Variants in DLG2 observed in about 807,000 individuals in gnomAD.
DLG2 encodes discs large MAGUK scaffold protein 2.
DLG2 carries 45 observed loss-of-function variants against 132.5 expected under a neutral mutation model. The ratio of observed to expected loss-of-function variants is 0.34; its 90% CI spans 0.27 to 0.44. The LOEUF (loss-of-function observed/expected upper bound fraction) is 0.44. Ranked by LOEUF, DLG2 falls within the 20% of genes least tolerant of loss-of-function variation. The pLI is 1.00. For synonymous variants in DLG2, 424 were observed against 419.6 expected (o/e 1.01, Z -0.13); for missense variants, 1,045 against 1,196.9 (o/e 0.87, Z 1.87).
intron 6 of DLG2, among the ~76,000 whole-genome samples, chr11:84,847,265 TGGG>T (rs2081591796): frequency 6.6e-6 from 1 of 151,894 alleles, no homozygotes; most frequent in South Asian, 2.1e-4. Context: ...GGAAGAAAAG[TGGG>T]GGAGCACTGC....
intron 19 of DLG2, among the ~76,000 whole-genome samples, chr11:83,550,549 C>G (rs780439134): frequency 9.2e-5 from 14 of 152,142 alleles, no homozygotes; most frequent in Non-Finnish European, 1.9e-4. Context: ...AAATCTGAAC[C>G]TGCGCAGAGC....
intron 7 of DLG2, among the ~76,000 whole-genome samples, chr11:84,315,958 T>C (rs996158496): frequency 1.3e-5 from 2 of 152,176 alleles, no homozygotes; most frequent in Admixed American, 6.5e-5. Context: ...TTTTCTTCAA[T>C]ACATATTAAA....
intron 7 of DLG2, among the ~76,000 whole-genome samples, chr11:84,340,049 A>C (rs1405959225): frequency 6.6e-6 from 1 of 152,220 alleles, no homozygotes; most frequent in Non-Finnish European, 1.5e-5. Context: ...TCACCCAGTA[A>C]GTAAACACAG....
chr11:84,997,280 C>G (rs976901215), intron 6 of DLG2: 5 of 152,360 alleles, frequency 3.3e-5, no homozygotes, highest in Admixed American at 1.3e-4. Flanking sequence ...CAAAGCCACT[C>G]TTGCAGACAT....
Position 83,753,786 on chromosome 11 carries a change from C to A in DLG2, c.1825+32904G>T, listed in dbSNP as rs1015095977. Reference sequence around the variant, plus strand: ...TATATATGATATGGCATATATATGTCATATATATGATATATCATATATATC... The same window carrying A: ...TATATATGATATGGCATATATATGTAATATATATGATATATCATATATATC... On this transcript the variant is annotated intron_variant, in intron 18 of 27. Transcript: ENST00000376104. Among the ~76,000 whole-genome samples the A allele has an allele frequency of 1.5e-4, 17 of 111,066 alleles. 1 individual carries two copies. Among genetic ancestry groups the A allele is most frequent in the African/African-American group, 7.7e-4 (17 of 22,182 alleles). 72.9% of individuals were successfully genotyped at this position (111,066 alleles called of 152,430 possible).
chr11:83,918,824 G>A lies in DLG2; in HGVS notation c.1496+11504C>T, dbSNP rs2077359810. 1.5e-5 allele frequency among the ~76,000 whole-genome samples: 2 copies of A among 132,754 alleles called. 1 individual carries two copies. The highest frequency in any genetic ancestry group is 4.6e-4 in the East Asian group (2 of 4,384). The allele number at this position is 132,754 out of a possible 152,430, so 87.1% of individuals were successfully genotyped here. ...CCCCTCTGTGAAGTCACAGCCCAAG[G>A]TGGAAAAATCTTGGTCAAAAAAAAA... On this transcript the variant is annotated intron_variant, in intron 15 of 27. Transcript: ENST00000376104.
chr11:83,584,775 G>A (rs7105403), intron 19 of DLG2, among the ~76,000 whole-genome samples: 143 of 152,312 alleles, frequency 9.4e-4, no homozygotes, highest in African/African-American at 3.4e-3. Context: ...AGGGGACAAG[G>A]TGAGAATGGA....
intron 3 of DLG2, among the ~76,000 whole-genome samples, chr11:85,384,062 A>G (rs2086123564): frequency 2.0e-5 from 3 of 152,132 alleles, no homozygotes; most frequent in Admixed American, 1.3e-4. Flanking sequence ...TATCTTTCCT[A>G]GGATACTTTT....
intron 7 of DLG2, among the ~76,000 whole-genome samples, chr11:84,385,563 G>A (rs866985722): frequency 1.3e-5 from 2 of 152,056 alleles, no homozygotes; most frequent in Non-Finnish European, 2.9e-5. Flanking sequence ...TATGCATAAG[G>A]TGGTGCCTCC....
Position 84,838,298 on chromosome 11 carries a change from T to G in DLG2, c.357+273363A>C, listed in dbSNP as rs186299738. 3.7e-3 allele frequency among the ~76,000 whole-genome samples: 564 copies of G among 151,956 alleles called. 3 individuals carry two copies. Among genetic ancestry groups the G allele is most frequent in the South Asian group, 0.013 (65 of 4,820 alleles). ...AGGAGTTCCAAGAGGAGGTCTTATG[T>G]CTGCCTCAGAAAATGTTTCTTCACC... On this transcript the variant is annotated intron_variant, in intron 6 of 27. Transcript: ENST00000376104.
intron 6 of DLG2, among the ~76,000 whole-genome samples, chr11:84,862,814 T>C (rs1600139800): frequency 2.6e-4 from 1 of 3,890 alleles, no homozygotes; most frequent in Non-Finnish European, 5.7e-4. Context: ...CACCAGGTCC[T>C]GTCGGGGGGG....
chr11:83,902,783 T>C (rs550966890), intron 15 of DLG2, among the ~76,000 whole-genome samples: 1 of 152,252 alleles, frequency 6.6e-6, no homozygotes, highest in East Asian at 1.9e-4. Flanking sequence ...TTCAGTTTCC[T>C]GCCCCTGAGG....
intron 7 of DLG2, among the ~76,000 whole-genome samples, chr11:84,427,508 A>G (rs538607087): frequency 2.5e-4 from 38 of 152,294 alleles, no homozygotes; most frequent in African/African-American, 8.2e-4. Context: ...CAAAATGGGT[A>G]AAGGACAGAA....
intron 7 of DLG2, chr11:84,437,518 C>A (rs559809004): frequency 3.9e-5 from 6 of 152,006 alleles, no homozygotes; most frequent in Non-Finnish European, 8.8e-5. Context: ...ATCAACTTCC[C>A]ACCTCGGCTC....
chr11:85,467,536 T>A (rs1160646315), intron 3 of DLG2, among the ~76,000 whole-genome samples: 1 of 152,230 alleles, frequency 6.6e-6, no homozygotes. Context: ...TTGAATTTTG[T>A]CAAAGGCCTT....
At chr11:83,684,534 T>C (rs2079396536) in intron 18 of DLG2, 1 of 152,164 alleles carries the variant, frequency 6.6e-6, no homozygotes, top group Admixed American at 6.5e-5. Flanking sequence ...TAGTAGGTAC[T>C]ATAGGAGCAG....
intron 6 of DLG2, among the ~76,000 whole-genome samples, chr11:84,990,859 T>C (rs776647188): frequency 1.3e-4 from 20 of 152,014 alleles, no homozygotes; most frequent in Non-Finnish European, 2.2e-4. Flanking sequence ...ACCCAGAAAT[T>C]GCACTCCTGG....
chr11:84,212,575 C>T (rs774530716), intron 8 of DLG2, among the ~76,000 whole-genome samples: 1 of 152,092 alleles, frequency 6.6e-6, no homozygotes, highest in Non-Finnish European at 1.5e-5. Flanking sequence ...AACAAATAAG[C>T]CTTTGAGTTT....
intron 11 of DLG2, among the ~76,000 whole-genome samples, chr11:83,986,570 T>C (rs1203390543): frequency 6.6e-6 from 1 of 151,764 alleles, no homozygotes; most frequent in Non-Finnish European, 1.5e-5. Flanking sequence ...TTTGGGTATA[T>C]ACCCAGTAAT....
Sources: gnomAD v4.1 joint callset for allele counts (sites outside exome capture counted in the v4.1 genomes callset) on GRCh38, gnomAD v4.1.1 for gene constraint, MANE v1.5 for transcripts, NCBI Gene and HGNC (gene_info 2026-07-23, HGNC 2026-07-21) for gene names.